Variants in SPATA20 observed in about 807,000 individuals in gnomAD.
SPATA20 encodes the protein spermatogenesis associated 20.
SPATA20 carries 74 observed loss-of-function variants against 98.9 expected under a neutral mutation model. The ratio of observed to expected loss-of-function variants is 0.75; its 90% CI spans 0.62 to 0.91. The LOEUF is 0.91. Among genes scored for constraint, SPATA20 ranks in the 40% least tolerant of loss-of-function variants. The probability of loss-of-function intolerance (pLI) is 0.00; values close to 1 mark genes in which losing one functional copy is unlikely to be tolerated. For synonymous variants in SPATA20, 430 were observed against 440.5 expected, an observed-to-expected ratio of 0.98 and a Z score of 0.30; for missense variants, 1,016 against 1,069.8, an observed-to-expected ratio of 0.95 and a Z score of 0.70.
At chr17:50,554,771 GTGTT>G (rs1379057448) in intron 15 of SPATA20, among the ~76,000 whole-genome samples, 4 of 152,110 alleles carry the variant, frequency 2.6e-5, no homozygotes, top group Admixed American at 2.6e-4. Context: ...GCTGGTGTGA[GTGTT>G]TGTCTGTCTG....
intron 2 of SPATA20, chr17:50,548,016 C>A: frequency 6.8e-7 from 1 of 1,473,176 alleles, no homozygotes; most frequent in South Asian, 1.4e-5. Context: ...CCCGCCCTGA[C>A]CTCACAGCCA....
chr17:50,550,217 C>T lies in SPATA20; in HGVS notation c.1003C>T (p.Arg335Cys), dbSNP rs375064933. The T allele has an allele frequency of 3.4e-5, 55 of 1,612,442 alleles. No homozygotes were observed. Among genetic ancestry groups the T allele is most frequent in the Non-Finnish European group, 4.2e-5 (49 of 1,179,414 alleles). ...IRDHVGQGFH[R>C]YSTDRQWHVP... is the part of the protein sequence containing the mutation. ...CTTTGTATCCGCACAGGGCTTTCAC[C>T]GCTACTCCACAGACCGCCAGTGGCA... Residue 335 changes from arginine to cysteine, a missense_variant, in exon 9 of 17, where the codon CGC becomes TGC. Transcript: ENST00000006658.
intron 1 of SPATA20, 118 bp downstream of exon 1, chr17:50,547,403 C>T: frequency 1.1e-6 from 1 of 870,348 alleles, no homozygotes; most frequent in Non-Finnish European, 1.7e-6. Flanking sequence ...ATGCCTGGCC[C>T]TTCCCCCACC....
intron 1 of SPATA20, 143 bp from the exon 2 acceptor site, chr17:50,547,577 G>C: frequency 1.4e-6 from 1 of 715,990 alleles, no homozygotes; most frequent in Non-Finnish European, 2.6e-6. Context: ...GCACCCCAGT[G>C]CTGGATGCTG....
chr17:50,550,679 G>A (rs375923594), intron 10 of SPATA20, 29 bp from the exon 11 acceptor site: 63 of 1,612,820 alleles, frequency 3.9e-5, no homozygotes, highest in South Asian at 2.0e-4. Flanking sequence ...CCTGTGGGCC[G>A]GGGCCAGCCA....
In SPATA20 at chr17:50,547,340, A is replaced by G. The variant is rs1393654131; in HGVS notation, c.77+55A>G. The G allele has an allele frequency of 4.6e-5, 63 of 1,360,462 alleles. No individual in the cohort carries two copies. The South Asian group carries it at 8.8e-4, about 19-fold the overall frequency. The allele number at this position is 1,360,462 out of a possible 1,614,324, so 84.3% of individuals were successfully genotyped here. A position where few individuals can be genotyped will look rare whatever the true frequency, so the allele number is the denominator to read the frequency against. ...ACTCCCTGCGCCTGCCTGCGGGCCC[A>G]GTGGAGGGTCTTCCGGACACCGGTC... On this transcript the variant is annotated intron_variant, in intron 1 of 16. Transcript: ENST00000006658.
In SPATA20 at chr17:50,549,371, ACCGCCAGCTGCCGC is replaced by A; in HGVS notation, c.749_762del (p.Arg250LeufsTer15). On this transcript the variant is annotated frameshift_variant, in exon 7 of 17. Transcript: ENST00000006658. LOFTEE classifies it high-confidence loss of function. ...GCCCGATCAGAGATCAGCGTGGGTG[ACCGCCAGCTGCCGC>A]CCTCTGCCGCCACCGTGAACAATCG... 6.2e-7 allele frequency: 1 copy of A among 1,612,498 alleles called. No individual in the cohort carries two copies. The highest frequency in any genetic ancestry group is 8.5e-7 in the Non-Finnish European group (1 of 1,179,934).
Position 50,548,508 on chromosome 17 carries a change from C to G in SPATA20, c.297-46C>G, listed in dbSNP as rs1443191593. On this transcript the variant is annotated intron_variant, in intron 3 of 16. Transcript: ENST00000006658. ...AATCGCTGGGGTCCTGGGCCCCTCC[C>G]AGACCCCCTGGGCTACTGAGTGATG... The G allele has an allele frequency of 1.9e-6, 3 of 1,613,160 alleles. No individual in the cohort carries two copies. The South Asian group carries it at 3.3e-5, about 18-fold the overall frequency.
rs1450927739 is a variant in SPATA20, at chr17:50,555,714, A to G, written c.*52A>G. 1.9e-6 allele frequency: 3 copies of G among 1,541,388 alleles called. No homozygotes were observed. The highest frequency in any genetic ancestry group is 2.6e-6 in the Non-Finnish European group (3 of 1,132,630). On this transcript the variant is annotated 3_prime_UTR_variant, in exon 17 of 17. Transcript: ENST00000006658. ...AGAAGGTGAAGCATCCCAACTGACT[A>G]GAGACTCAGGCCCTGCAGGGCCCTA...
intron 7 of SPATA20, 132 bp downstream of exon 7, chr17:50,549,619 C>G: frequency 1.1e-6 from 1 of 918,498 alleles, no homozygotes; most frequent in South Asian, 1.7e-5. Flanking sequence ...TTGCCCCTAG[C>G]CTGTCGGTAG....
In SPATA20 at chr17:50,555,520, C is replaced by T. The variant is rs745451259; in HGVS notation, c.2267C>T (p.Ser756Leu). ...CTGATTCTGGCTGATGGGGACCCCT[C>T]GAGCTTCCTGTCCCGCCAGCTGCCT... ...KVLILADGDP[S>L]SFLSRQLPFL... The change falls in exon 17 of 17, where the codon TCG (serine) becomes TTG (leucine). Residue 756 changes from serine to leucine, a missense_variant. Coordinates refer to ENST00000006658, the MANE Select transcript of SPATA20 (RefSeq NM_022827.4). The T allele has an allele frequency of 5.5e-5, 88 of 1,613,896 alleles. No homozygotes were observed. Among genetic ancestry groups the T allele is most frequent in the Non-Finnish European group, 6.9e-5 (82 of 1,179,988 alleles).
intron 14 of SPATA20, among the ~76,000 whole-genome samples, chr17:50,553,799 C>T (rs1314094485): frequency 2.6e-5 from 4 of 152,086 alleles, no homozygotes; most frequent in Non-Finnish European, 4.4e-5. Context: ...GGCCATTACT[C>T]GTGTTCAGTC....
In SPATA20 at chr17:50,547,201, G is replaced by C; in HGVS notation, c.-8G>C. 1 of 1,426,210 alleles carries C rather than the reference G, an allele frequency of 7.0e-7. No homozygotes were observed. Among genetic ancestry groups the C allele is most frequent in the Non-Finnish European group, 9.1e-7 (1 of 1,098,172 alleles). The allele number at this position is 1,426,210 out of a possible 1,614,324, so 88.3% of individuals were successfully genotyped here. A position where few individuals can be genotyped will look rare whatever the true frequency, so the allele number is the denominator to read the frequency against. The stretch of plus-strand genomic sequence containing the variant: ...CCTCAGCGGCCGGGCCCACGGCCCC[G>C]AGCAGCCATGCTGGGCGCGCGGGCC... On this transcript the variant is annotated 5_prime_UTR_variant, in exon 1 of 17. Coordinates refer to ENST00000006658, the MANE Select transcript of SPATA20 (RefSeq NM_022827.4).
At chr17:50,554,842 C>A (rs1388933297) in intron 15 of SPATA20, among the ~76,000 whole-genome samples, 2 of 149,390 alleles carry the variant, frequency 1.3e-5, no homozygotes, top group Non-Finnish European at 3.0e-5. Flanking sequence ...GCGTGTGTGT[C>A]TGGTGTTTGT....
rs770937327 is a variant in SPATA20, at chr17:50,550,878, C to G, written c.1344C>G (p.His448Gln). 4 of 1,613,150 alleles carry G rather than the reference C, an allele frequency of 2.5e-6. No individual in the cohort carries two copies. The highest frequency in any genetic ancestry group is 3.4e-6 in the Non-Finnish European group (4 of 1,180,036). Residue 448 changes from histidine (H) to glutamine (Q), a missense_variant, in exon 11 of 17, where the codon CAC (histidine) becomes CAG (glutamine). His to Gln is a conservative substitution (Grantham distance 24). Coordinates refer to ENST00000006658, the MANE Select transcript of SPATA20 (RefSeq NM_022827.4). Reference sequence around the variant, plus strand: ...CCTCAGGCCAGCTCCTCATGAAGCACTACGGCCTCACAGAGGCTGGTAACA... The same window carrying G: ...CCTCAGGCCAGCTCCTCATGAAGCAGTACGGCCTCACAGAGGCTGGTAACA... The part of the protein sequence containing the change: ...PLTSGQLLMK[H>Q]YGLTEAGNIS...
rs751528622 is a variant in SPATA20 at position 50,551,179 on chromosome 17, C to T, written c.1565C>T (p.Ala522Val). The T allele has an allele frequency of 1.2e-6, 2 of 1,609,086 alleles. No homozygotes were observed. Among genetic ancestry groups the T allele is most frequent in the South Asian group, 2.2e-5 (2 of 90,736 alleles). ...CCGCACCTGGACAGCAAGATGCTGG[C>T]TGCCTGGAATGGTGGGGCAGCACAC... is the stretch of plus-strand genomic sequence containing the variant. The part of the protein sequence containing the change: ...PKPHLDSKML[A>V]AWNGLMVSGY... The change falls in exon 12 of 17, where the codon GCT (alanine) becomes GTT (valine). Residue 522 changes from alanine to valine, a missense_variant. Coordinates refer to ENST00000006658, the MANE Select transcript of SPATA20 (RefSeq NM_022827.4).
Position 50,551,956 on chromosome 17 carries a change from G to T in SPATA20, c.1746-13G>T, listed in dbSNP as rs1284487039. On this transcript the variant is annotated splice_polypyrimidine_tract_variant and intron_variant, in intron 13 of 16. Transcript: ENST00000006658. Reference sequence around the variant, plus strand: ...GGCTCTCCCCAGCCCCTCCCGTAATGCCTGTCCCCCAGCAACCCACCCTGC... The same window carrying T: ...GGCTCTCCCCAGCCCCTCCCGTAATTCCTGTCCCCCAGCAACCCACCCTGC... The T allele has an allele frequency of 6.4e-7, 1 of 1,568,900 alleles. No homozygotes were observed. Among genetic ancestry groups the T allele is most frequent in the Admixed American group, 1.9e-5 (1 of 53,018 alleles).
At chr17:50,553,539 C>T (rs942699684) in intron 14 of SPATA20, among the ~76,000 whole-genome samples, 7 of 147,342 alleles carry the variant, frequency 4.8e-5, no homozygotes, top group Non-Finnish European at 5.9e-5. Context: ...ATGCTGAGGC[C>T]GGCAGGGCAC....
chr17:50,553,591 C>T (rs2035049841), intron 14 of SPATA20, among the ~76,000 whole-genome samples: 1 of 144,606 alleles, frequency 6.9e-6, no homozygotes, highest in Admixed American at 7.1e-5. Flanking sequence ...GAAAAGAAGG[C>T]TGGTCTCAAA....
Sources: allele counts gnomAD v4.1 joint callset (sites outside exome capture counted in the v4.1 genomes callset), GRCh38; gene constraint gnomAD v4.1.1; transcripts MANE v1.5; gene names NCBI Gene and HGNC (gene_info 2026-07-23, HGNC 2026-07-21).